CUX2: variants seen among roughly 807,000 people sequenced by gnomAD.
CUX2 encodes cut like homeobox 2.
Under a neutral mutation model 144.8 loss-of-function variants are expected in CUX2, and 40 were observed. The observed-to-expected ratio is 0.28, with a 90% CI of 0.21 to 0.36. The LOEUF (loss-of-function observed/expected upper bound fraction) is 0.36. CUX2 is among the 10% of genes least tolerant of loss of function. CUX2 has a pLI of 1.00. For synonymous variants in CUX2, 827 were observed against 875.6 expected (o/e 0.94, Z 0.98); for missense variants, 1,615 against 1,994.0 (o/e 0.81, Z 3.62).
chr12:111,347,622 A>T lies in CUX2; in HGVS notation c.3758A>T (p.His1253Leu). The change falls in exon 22 of 22, where the codon CAC (histidine) becomes CTC (leucine). Residue 1253 changes from histidine (H) to leucine (L), a missense_variant. This residue lies in a region of CUX2 where 298 missense variants were observed against 330.4 expected (regional missense o/e 0.90). Transcript: ENST00000261726. ...GGAATCCTACCGCCAGGCCACTCCC[A>T]CCCAGACCCCACCCCGCAGAGCCCT... is the stretch of plus-strand genomic sequence containing the variant. ...GPGILPPGHS[H>L]PDPTPQSPDS... 1 of 1,043,600 alleles carries T rather than the reference A, an allele frequency of 9.6e-7. No individual in the cohort carries two copies. Among genetic ancestry groups the T allele is most frequent in the Non-Finnish European group, 1.4e-6 (1 of 709,018 alleles). 64.6% of individuals were successfully genotyped at this position (1,043,600 alleles called of 1,614,324 possible). A position where few individuals can be genotyped will look rare whatever the true frequency, so the allele number is the denominator to read the frequency against.
At chr12:111,041,065 A>G (rs1419381366) in intron 1 of CUX2, among the ~76,000 whole-genome samples, 4 of 152,238 alleles carry the variant, frequency 2.6e-5, no homozygotes. Context: ...AAGCATGAAG[A>G]GTCAGAGCAG....
rs7959996 is a variant in CUX2, at chr12:111,269,412, T to C, written c.301+5573T>C. On this transcript the variant is annotated intron_variant, in intron 4 of 21. Transcript: ENST00000261726. ...GTGTTGTTTACTCAGATAGCATTTA[T>C]TGAGTGCCTACTGTGTGCCCGGCAC... 2.0e-3 allele frequency among the ~76,000 whole-genome samples: 307 copies of C among 152,322 alleles called. 3 individuals are homozygous for C. Among genetic ancestry groups the C allele is most frequent in the African/African-American group, 7.0e-3 (290 of 41,558 alleles).
rs762159221 is a variant in CUX2 at position 111,347,847 on chromosome 12, C to T, written c.3983C>T (p.Pro1328Leu). The stretch of plus-strand genomic sequence containing the variant: ...GAGCTGGACAAAGGCCAAGGTCCCC[C>T]CAAAGAGGAGCATCCCGACCCTCCG... Reference protein sequence around the residue: ...SGELDKGQGPPKEEHPDPPGN... With the variant: ...SGELDKGQGPLKEEHPDPPGN... Residue 1328 changes from proline to leucine, a missense_variant, in exon 22 of 22, where the codon CCC (proline) becomes CTC (leucine). Around this residue, in one of 12 missense-constraint regions of CUX2, gnomAD observed 298 missense variants for 330.4 expected, o/e 0.90. Coordinates refer to ENST00000261726, the MANE Select transcript of CUX2 (RefSeq NM_015267.4). The T allele has an allele frequency of 1.9e-6, 3 of 1,613,952 alleles. No homozygotes were observed. Among genetic ancestry groups the T allele is most frequent in the Admixed American group, 3.3e-5 (2 of 59,990 alleles).
At chr12:111,211,872 G>C (rs978128107) in intron 1 of CUX2, among the ~76,000 whole-genome samples, 2 of 148,716 alleles carry the variant, frequency 1.3e-5, no homozygotes, top group Admixed American at 6.7e-5. Flanking sequence ...GGGCGACAGA[G>C]TGAGACTCCG....
intron 1 of CUX2, among the ~76,000 whole-genome samples, chr12:111,060,456 A>G (rs565974459): frequency 1.3e-5 from 2 of 152,338 alleles, no homozygotes; most frequent in South Asian, 2.1e-4. Context: ...GGGCTCCCCC[A>G]TAATAATGCA....
intron 1 of CUX2, among the ~76,000 whole-genome samples, chr12:111,148,353 T>G (rs1478030884): frequency 7.0e-5 from 9 of 128,336 alleles, no homozygotes; most frequent in Admixed American, 1.6e-4. Flanking sequence ...GAAAGTAGAG[T>G]GGTGGGTGTC....
chr12:111,090,861 TCTC>T (rs1295619107), intron 1 of CUX2, among the ~76,000 whole-genome samples: 3 of 151,752 alleles, frequency 2.0e-5, no homozygotes, highest in Non-Finnish European at 4.4e-5. Context: ...CAGTTTGAGG[TCTC>T]CTTCTCATCT....
chr12:111,244,430 A>G (rs1055098938), intron 3 of CUX2, among the ~76,000 whole-genome samples: 4 of 152,214 alleles, frequency 2.6e-5, no homozygotes, highest in African/African-American at 9.6e-5. Flanking sequence ...TGTTGTCGCT[A>G]GATAGCACTG....
intron 3 of CUX2, among the ~76,000 whole-genome samples, chr12:111,231,387 T>C (rs1256067130): frequency 6.6e-6 from 1 of 152,254 alleles, no homozygotes; most frequent in East Asian, 1.9e-4. Context: ...TTTAACAAAA[T>C]TTGTTTAGTT....
At chr12:111,192,717 G>C (rs1260845167) in intron 1 of CUX2, among the ~76,000 whole-genome samples, 1 of 152,196 alleles carries the variant, frequency 6.6e-6, no homozygotes, top group Non-Finnish European at 1.5e-5. Context: ...AGTGACCCCT[G>C]GATGTCCTGA....
intron 1 of CUX2, among the ~76,000 whole-genome samples, chr12:111,085,450 A>G (rs1872153391): frequency 6.6e-6 from 1 of 152,292 alleles, no homozygotes. Context: ...TGTGTTCAGA[A>G]GGGTTGAGGA....
intron 4 of CUX2, among the ~76,000 whole-genome samples, chr12:111,275,825 C>G (rs111657284): frequency 6.6e-6 from 1 of 152,174 alleles, no homozygotes; most frequent in Non-Finnish European, 1.5e-5. Context: ...AACACCTCCA[C>G]GCCACCAGCT....
At chr12:111,120,244 C>T (rs1413701641) in intron 1 of CUX2, among the ~76,000 whole-genome samples, 1 of 151,914 alleles carries the variant, frequency 6.6e-6, no homozygotes, top group African/African-American at 2.4e-5. Flanking sequence ...TGGTGTTGTG[C>T]CCGGGGTACA....
In CUX2 at chr12:111,062,000, G is replaced by T. The variant is rs1256384335; in HGVS notation, c.63+27760G>T. Among the ~76,000 whole-genome samples the T allele has an allele frequency of 6.6e-6, 1 of 152,242 alleles. No homozygotes were observed. The highest frequency in any genetic ancestry group is 2.4e-5 in the African/African-American group (1 of 41,458). ...CGCCTCGCAGCCTCACTCACAGGGA[G>T]TGTCGGCAGGGTTAGATGAGTGAAT... On this transcript the variant is annotated intron_variant, in intron 1 of 21. Coordinates refer to ENST00000261726, the MANE Select transcript of CUX2 (RefSeq NM_015267.4). This position sits in a 1 kb window ranked among gnomAD's most constrained non-coding sequence, Gnocchi z 4.2.
At chr12:111,060,473 AATTG>A (rs1402625848) in intron 1 of CUX2, among the ~76,000 whole-genome samples, 3 of 152,184 alleles carry the variant, frequency 2.0e-5, no homozygotes, top group Non-Finnish European at 4.4e-5. Flanking sequence ...TGCACATCAT[AATTG>A]ATTGGAGTTC....
At chr12:111,192,282 G>A (rs1402924979) in intron 1 of CUX2, among the ~76,000 whole-genome samples, 4 of 151,616 alleles carry the variant, frequency 2.6e-5, no homozygotes, top group East Asian at 1.9e-4. Context: ...ACACACCACC[G>A]ACGCCCAGCT....
chr12:111,147,885 C>T (rs890943612), intron 1 of CUX2, among the ~76,000 whole-genome samples: 3 of 152,212 alleles, frequency 2.0e-5, no homozygotes, highest in African/African-American at 7.2e-5. Context: ...CAGGGGCTGA[C>T]TTGTCAAGGA....
chr12:111,302,053 T>C (rs1248963913), intron 9 of CUX2, among the ~76,000 whole-genome samples: 2 of 152,218 alleles, frequency 1.3e-5, no homozygotes, highest in Admixed American at 6.5e-5. Context: ...CAGGAAACTC[T>C]TCCCAAAACA....
At chr12:111,221,690 T>G (rs546671879) in intron 3 of CUX2, among the ~76,000 whole-genome samples, 1 of 152,280 alleles carries the variant, frequency 6.6e-6, no homozygotes, top group African/African-American at 2.4e-5. Flanking sequence ...ACCATGTTAT[T>G]CCTGAATTTT....
Sources: gnomAD v4.1 joint callset for allele counts (sites outside exome capture counted in the v4.1 genomes callset) on GRCh38, gnomAD v4.1.1 for gene constraint, gnomAD v4.1.1 regional missense constraint, Gnocchi (gnomAD v3.1) non-coding constraint, MANE v1.5 for transcripts, NCBI Gene and HGNC (gene_info 2026-07-23, HGNC 2026-07-21) for gene names.